The following PRDM15 variants were observed in gnomAD, a reference collection of about 807,000 sequenced individuals.
PRDM15 encodes PR domain zinc finger protein 15.
A neutral mutation model predicts 128.6 loss-of-function variants in PRDM15; 64 were observed. The ratio of observed to expected loss-of-function variants is 0.50; its 90% confidence interval spans 0.41 to 0.61. The LOEUF (loss-of-function observed/expected upper bound fraction) is 0.61, where lower values mean the gene tolerates loss of function less well. Ranked by LOEUF, PRDM15 falls within the 20% of genes least tolerant of loss-of-function variation. The pLI is 0.00. For synonymous variants in PRDM15, 615 were observed against 621.8 expected (o/e 0.99, Z 0.16); for missense variants, 1,242 against 1,569.1 (o/e 0.79, Z 3.52).
Position 41,801,032 on chromosome 21 carries a change from A to G in PRDM15, c.*208T>C. 1 of 624,902 alleles carries G rather than the reference A, an allele frequency of 1.6e-6. No homozygotes were observed. The highest frequency in any genetic ancestry group is 3.1e-5 in the South Asian group (1 of 32,122). 38.7% of individuals were successfully genotyped at this position (624,902 alleles called of 1,614,324 possible). On this transcript the variant is annotated 3_prime_UTR_variant, in exon 24 of 24. Coordinates refer to ENST00000398548, the MANE Select transcript of PRDM15 (RefSeq NM_001040424.3). ...CATGGTGTGGAGCCCCATCCAGTTT[A>G]AAACTCTGGCCTGCCAGAGGTCCCT...
Position 41,810,633 on chromosome 21 carries a change from A to G in PRDM15, c.2476+120T>C. 1.2e-6 allele frequency: 1 copy of G among 823,186 alleles called. No homozygotes were observed. The highest frequency in any genetic ancestry group is 2.0e-6 in the Non-Finnish European group (1 of 499,348). The allele number at this position is 823,186 out of a possible 1,614,324, so 51.0% of individuals were successfully genotyped here. A position where few individuals can be genotyped will look rare whatever the true frequency, so the allele number is the denominator to read the frequency against. ...GGGGCCACCATGAAGCCAAGACAAC[A>G]CTAAATGTGCTGGAACCGTCTAGAT... On this transcript the variant is annotated intron_variant, in intron 20 of 23. Transcript: ENST00000398548. This position sits in a 1 kb window ranked among gnomAD's most constrained non-coding sequence, Gnocchi z 6.4.
chr21:41,810,151 C>T lies in PRDM15; in HGVS notation c.2652+3G>A. On this transcript the variant is annotated splice_donor_region_variant and intron_variant, in intron 21 of 23. Transcript: ENST00000398548. The surrounding 1 kb of genome is among the most constrained non-coding windows in gnomAD (Gnocchi z 6.4). ...CACGGAGGGGGCACAGCCACCAGCT[C>T]ACCTCGGGGTGCTTGCGCCGCATGT... The T allele has an allele frequency of 3.7e-6, 6 of 1,602,036 alleles. No homozygotes were observed. The highest frequency in any genetic ancestry group is 5.1e-6 in the Non-Finnish European group (6 of 1,174,820).
chr21:41,830,133 A>G (rs1321021958), intron 11 of PRDM15, among the ~76,000 whole-genome samples: 2 of 151,060 alleles, frequency 1.3e-5, no homozygotes, highest in Admixed American at 6.6e-5. Flanking sequence ...AAAAATACAC[A>G]TTCAACACAC....
chr21:41,803,116 A>G, intron 22 of PRDM15, 195 bp from the exon 23 acceptor site: 1 of 596,204 alleles, frequency 1.7e-6, no homozygotes. Context: ...CTTTAGTTGC[A>G]GATTTAAAAA....
chr21:41,844,883 C>T (rs1476485880), intron 6 of PRDM15, among the ~76,000 whole-genome samples: 6 of 52,644 alleles, frequency 1.1e-4, no homozygotes, highest in South Asian at 1.1e-3. Flanking sequence ...CAAGGACACA[C>T]ACAGCCCCTC....
At chr21:41,837,344 A>T (rs1457891536) in intron 8 of PRDM15, among the ~76,000 whole-genome samples, 2 of 152,214 alleles carry the variant, frequency 1.3e-5, no homozygotes, top group African/African-American at 4.8e-5. Context: ...AACACAAAAT[A>T]TGGGGCATAT....
chr21:41,841,060 CAT>C (rs2063060330), intron 6 of PRDM15, among the ~76,000 whole-genome samples: 1 of 152,018 alleles, frequency 6.6e-6, no homozygotes, highest in Non-Finnish European at 1.5e-5. Context: ...AGGTCTAAAA[CAT>C]GTACAATAGG....
At position 41,879,214 on chromosome 21, in the gene PRDM15, G is replaced by A. The variant is rs959834440; in HGVS notation, c.-10+56C>T. On this transcript the variant is annotated intron_variant, in intron 1 of 23. Coordinates refer to ENST00000398548, the MANE Select transcript of PRDM15 (RefSeq NM_001040424.3). This position sits in a 1 kb window ranked among gnomAD's most constrained non-coding sequence, Gnocchi z 5.1. ...CTCGCGGGGGCAGCGGGTGCGGCCCGGGGCCGGCGGGGCGCACGCCGGGGC... is the reference window on the plus strand; with the variant it reads ...CTCGCGGGGGCAGCGGGTGCGGCCCAGGGCCGGCGGGGCGCACGCCGGGGC... The A allele has an allele frequency of 4.7e-5, 37 of 783,482 alleles. No homozygotes were observed. The East Asian group carries it at 1.2e-3, about 25-fold the overall frequency. The allele number at this position is 783,482 out of a possible 1,614,324, so 48.5% of individuals were successfully genotyped here.
intron 22 of PRDM15, among the ~76,000 whole-genome samples, chr21:41,803,915 T>C (rs1306998705): frequency 1.3e-5 from 2 of 152,146 alleles, no homozygotes; most frequent in African/African-American, 2.4e-5. Context: ...TTCATCTAAT[T>C]GGTATGTTTA....
intron 5 of PRDM15, among the ~76,000 whole-genome samples, chr21:41,849,134 C>G (rs2063351661): frequency 6.6e-6 from 1 of 152,222 alleles, no homozygotes; most frequent in African/African-American, 2.4e-5. Flanking sequence ...AAAAAAGGAA[C>G]AGCAAAGCTA....
chr21:41,879,340 G>A lies in PRDM15; in HGVS notation c.-80C>T. 2.5e-5 allele frequency: 27 copies of A among 1,097,092 alleles called. No individual in the cohort carries two copies. Among genetic ancestry groups the A allele is most frequent in the Non-Finnish European group, 3.0e-5 (27 of 892,962 alleles). The allele number at this position is 1,097,092 out of a possible 1,614,324, so 68.0% of individuals were successfully genotyped here. On this transcript the variant is annotated 5_prime_UTR_variant, in exon 1 of 24. Coordinates refer to ENST00000398548, the MANE Select transcript of PRDM15 (RefSeq NM_001040424.3). The surrounding 1 kb of genome is among the most constrained non-coding windows in gnomAD (Gnocchi z 5.1). ...TGCGATCCGCTCCGGAAACTGCGCA[G>A]CACCGGAAGCCGGGGGGCGGCGGCG...
intron 12 of PRDM15, among the ~76,000 whole-genome samples, chr21:41,826,379 G>A (rs897648057): frequency 2.0e-5 from 3 of 152,200 alleles, no homozygotes; most frequent in African/African-American, 4.8e-5. Context: ...GCTATGATGA[G>A]CTCCTATGGA....
intron 14 of PRDM15, among the ~76,000 whole-genome samples, chr21:41,822,475 G>T (rs888772630): frequency 6.6e-5 from 10 of 152,264 alleles, no homozygotes; most frequent in African/African-American, 2.2e-4. Context: ...GGACACAGAT[G>T]CCAGCACCGG....
At position 41,832,902 on chromosome 21, in the gene PRDM15, G is replaced by A. The variant is rs113963380; in HGVS notation, c.1366+2535C>T. Among the ~76,000 whole-genome samples the A allele has an allele frequency of 0.039, 5,918 of 152,228 alleles. 173 individuals carry two copies. Among genetic ancestry groups the A allele is most frequent in the African/African-American group, 0.081 (3,374 of 41,526 alleles). On this transcript the variant is annotated intron_variant, in intron 11 of 23. Coordinates refer to ENST00000398548, the MANE Select transcript of PRDM15 (RefSeq NM_001040424.3). This position sits in a 1 kb window ranked among gnomAD's most constrained non-coding sequence, Gnocchi z 4.2. ...CTGTCCCGGACAACTCTGCCAAGCC[G>A]AGGGTGGCTTCTCCCGCAGCCACCC... is the stretch of plus-strand genomic sequence containing the variant.
At chr21:41,877,014 C>T (rs547906140) in intron 1 of PRDM15, among the ~76,000 whole-genome samples, 2 of 152,284 alleles carry the variant, frequency 1.3e-5, no homozygotes, top group East Asian at 1.9e-4. Flanking sequence ...ATGGCCCCTG[C>T]TGCCCCACCT....
chr21:41,823,329 C>T lies in PRDM15; in HGVS notation c.1750G>A (p.Val584Ile). The change falls in exon 14 of 24, where the codon GTC becomes ATC. Residue 584 changes from valine (V) to isoleucine (I), a missense_variant. By Grantham distance (29) the Val-to-Ile change is conservative (BLOSUM62 3). Around this residue, in one of 3 missense-constraint regions of PRDM15, gnomAD observed 602 missense variants for 788.3 expected, o/e 0.76. Coordinates refer to ENST00000398548, the MANE Select transcript of PRDM15 (RefSeq NM_001040424.3). The stretch of plus-strand genomic sequence containing the variant: ...CACGCGATCGACACCTTGAAGTGGA[C>T]ATGGATGTGGTCCCTGAGCACATCC... ...RVDVLRDHIHVHFKDIALMDD... is the reference protein window; with the variant it reads ...RVDVLRDHIHIHFKDIALMDD... 6.2e-7 allele frequency: 1 copy of T among 1,608,562 alleles called. No homozygotes were observed. The highest frequency in any genetic ancestry group is 2.2e-5 in the East Asian group (1 of 44,612).
At chr21:41,818,898 G>A (rs918034764) in intron 18 of PRDM15, among the ~76,000 whole-genome samples, 6 of 152,078 alleles carry the variant, frequency 3.9e-5, no homozygotes, top group Middle Eastern at 3.2e-3. Context: ...ATGTTCTGTC[G>A]TTACAATGAA....
intron 21 of PRDM15, among the ~76,000 whole-genome samples, chr21:41,809,239 T>C: frequency 6.6e-6 from 1 of 151,054 alleles, no homozygotes; most frequent in South Asian, 2.1e-4. Context: ...TTTTTCTTTT[T>C]TTTTTTTTTT....
intron 5 of PRDM15, among the ~76,000 whole-genome samples, chr21:41,847,542 AC>A (rs372960884): frequency 7.9e-5 from 12 of 152,258 alleles, no homozygotes; most frequent in African/African-American, 2.9e-4. Flanking sequence ...TTCCTCAAGA[AC>A]CAAGTGTAAT....
Sources: gnomAD v4.1 joint callset for allele counts (sites outside exome capture counted in the v4.1 genomes callset) on GRCh38, gnomAD v4.1.1 for gene constraint, gnomAD v4.1.1 regional missense constraint, Gnocchi (gnomAD v3.1) non-coding constraint, MANE v1.5 for transcripts, NCBI Gene and HGNC (gene_info 2026-07-23, HGNC 2026-07-21) for gene names.